Variants in DNAH11 observed in about 807,000 individuals in gnomAD.
The protein encoded by DNAH11 is axonemal beta dynein heavy chain 11.
A neutral mutation model predicts 526.0 loss-of-function variants in DNAH11; 442 were observed. That is an observed-to-expected ratio of 0.84 (90% confidence interval 0.78 to 0.91). The LOEUF (loss-of-function observed/expected upper bound fraction) is 0.91, where lower values mean the gene tolerates loss of function less well. DNAH11 is among the 40% of genes least tolerant of loss of function. The pLI, the probability that DNAH11 is intolerant of heterozygous loss-of-function variation, is 0.00. For synonymous variants in DNAH11, 2,461 were observed against 1,935.9 expected (o/e 1.27, Z -7.12); for missense variants, 6,989 against 5,448.7 (o/e 1.28, Z -8.90).
chr7:21,683,605 A>G (rs1324012802), intron 31 of DNAH11, among the ~76,000 whole-genome samples, 179 bp from the exon 32 acceptor site: 4 of 152,226 alleles, frequency 2.6e-5, no homozygotes, highest in African/African-American at 7.2e-5. Flanking sequence ...GACTTATTAC[A>G]CGCATATTTC....
Position 21,711,753 on chromosome 7 carries a change from C to T in DNAH11, c.6876C>T (p.Pro2292=), listed in dbSNP as rs1307403895. The T allele has an allele frequency of 1.9e-6, 3 of 1,613,878 alleles. No individual in the cohort carries two copies. Among genetic ancestry groups the T allele is most frequent in the Non-Finnish European group, 2.5e-6 (3 of 1,179,812 alleles). The change falls in exon 42 of 82, where the codon CCC becomes CCT. Residue 2292 remains proline, a synonymous_variant. Transcript: ENST00000409508. ...LASNERIALT[P]FMRLLFEIHH... ...GCAATGAGCGCATTGCACTCACTCC[C>T]TTCATGAGGCTTCTGTTTGAGATAC...
chr7:21,892,574 A>G lies in DNAH11; in HGVS notation c.12657A>G (p.Thr4219=), dbSNP rs574488123. 107 of 1,614,014 alleles carry G rather than the reference A, an allele frequency of 6.6e-5. No homozygotes were observed. In the East Asian group the frequency reaches 2.2e-3, roughly 34 times the overall value. The stretch of plus-strand genomic sequence containing the variant: ...CAAATGCTGAAATAGAATTCCTGAC[A>G]GTGACATCCAACACTCTCTTCAGAA... The part of the protein sequence containing the change: ...LHPNAEIEFL[T]VTSNTLFRTL... Residue 4219 remains threonine, a synonymous_variant, in exon 77 of 82, where the codon ACA becomes ACG. Coordinates refer to ENST00000409508, the MANE Select transcript of DNAH11 (RefSeq NM_001277115.2).
At chr7:21,724,801 A>T (rs1262508917) in intron 44 of DNAH11, among the ~76,000 whole-genome samples, 2 of 151,940 alleles carry the variant, frequency 1.3e-5, no homozygotes, top group African/African-American at 4.8e-5. Flanking sequence ...CATCCTGTGG[A>T]TGCATAGAGG....
intron 61 of DNAH11, among the ~76,000 whole-genome samples, chr7:21,796,344 T>C (rs1281652998): frequency 6.6e-6 from 1 of 152,058 alleles, no homozygotes; most frequent in Non-Finnish European, 1.5e-5. Flanking sequence ...AGAACTGCAG[T>C]TGGGCACAGG....
intron 65 of DNAH11, among the ~76,000 whole-genome samples, chr7:21,834,081 A>G (rs1404744125): frequency 6.6e-6 from 1 of 152,226 alleles, no homozygotes; most frequent in Non-Finnish European, 1.5e-5. Flanking sequence ...AATTTTCTCC[A>G]GGATAGGACA....
intron 65 of DNAH11, among the ~76,000 whole-genome samples, chr7:21,823,221 C>T (rs1335787089): frequency 1.3e-5 from 2 of 152,074 alleles, no homozygotes; most frequent in Non-Finnish European, 2.9e-5. Context: ...TAAACAGGCA[C>T]TACTATCTTT....
intron 74 of DNAH11, among the ~76,000 whole-genome samples, chr7:21,875,694 A>G (rs562534161): frequency 8.5e-4 from 130 of 152,182 alleles, no homozygotes; most frequent in African/African-American, 2.6e-3. Context: ...AATATGTTGC[A>G]TATAATGATA....
chr7:21,825,818 G>A (rs1790265881), intron 65 of DNAH11, among the ~76,000 whole-genome samples: 1 of 152,142 alleles, frequency 6.6e-6, no homozygotes, highest in South Asian at 2.1e-4. Context: ...AATTAGCTGG[G>A]TGTAGTAGCG....
At chr7:21,810,782 A>T (rs1242084141) in intron 63 of DNAH11, among the ~76,000 whole-genome samples, 1 of 152,152 alleles carries the variant, frequency 6.6e-6, no homozygotes, top group African/African-American at 2.4e-5. Flanking sequence ...AAAGTCAAGC[A>T]GTGACTAGCA....
At chr7:21,882,980 C>G (rs1036622646) in intron 75 of DNAH11, among the ~76,000 whole-genome samples, 4 of 152,148 alleles carry the variant, frequency 2.6e-5, no homozygotes, top group African/African-American at 9.7e-5. Context: ...AACTAAAAGT[C>G]AGAAGCCTTT....
chr7:21,752,498 A>G (rs1182939527), intron 54 of DNAH11, among the ~76,000 whole-genome samples: 1 of 152,108 alleles, frequency 6.6e-6, no homozygotes, highest in East Asian at 1.9e-4. Context: ...TTATTCTTAT[A>G]TATGTGTCTC....
At chr7:21,700,486 G>A (rs1784009841) in intron 36 of DNAH11, among the ~76,000 whole-genome samples, 1 of 152,118 alleles carries the variant, frequency 6.6e-6, no homozygotes, top group South Asian at 2.1e-4. Context: ...GAAATCTGTG[G>A]TCCAAAATTT....
At chr7:21,857,593 C>T (rs535115259) in intron 68 of DNAH11, among the ~76,000 whole-genome samples, 3 of 151,820 alleles carry the variant, frequency 2.0e-5, no homozygotes, top group South Asian at 2.1e-4. Flanking sequence ...TAAATCTACA[C>T]GAATCAAGAT....
rs373574217 is a variant in DNAH11, at chr7:21,606,500, T to G, written c.3723T>G (p.Asn1241Lys). ...TVRHEVSPLHNAEVTLIRKKC... is the reference protein window; with the variant it reads ...TVRHEVSPLHKAEVTLIRKKC... ...GACATGAAGTCTCACCTCTCCATAA[T>G]GCGGAAGTCACTCTTATAAGGAAAA... The change falls in exon 19 of 82, where the codon AAT (asparagine) becomes AAG (lysine). Residue 1241 changes from asparagine (N) to lysine (K), a missense_variant. By Grantham distance (94) the Asn-to-Lys change is moderately conservative (BLOSUM62 0). Coordinates refer to ENST00000409508, the MANE Select transcript of DNAH11 (RefSeq NM_001277115.2). 2.5e-6 allele frequency: 4 copies of G among 1,611,234 alleles called. No individual in the cohort carries two copies. Among genetic ancestry groups the G allele is most frequent in the Non-Finnish European group, 3.4e-6 (4 of 1,179,338 alleles).
At chr7:21,662,318 A>T (rs1782270363) in intron 30 of DNAH11, among the ~76,000 whole-genome samples, 1 of 152,122 alleles carries the variant, frequency 6.6e-6, no homozygotes, top group African/African-American at 2.4e-5. Context: ...ATGTGTGCCT[A>T]CCACTTAGAT....
intron 14 of DNAH11, among the ~76,000 whole-genome samples, chr7:21,594,471 A>C (rs571953662): frequency 6.6e-6 from 1 of 152,288 alleles, no homozygotes; most frequent in Non-Finnish European, 1.5e-5. Flanking sequence ...GTGACATAGT[A>C]AGTCGTGCTG....
chr7:21,624,303 G>A (rs148440838), intron 25 of DNAH11, among the ~76,000 whole-genome samples: 3 of 152,128 alleles, frequency 2.0e-5, no homozygotes, highest in East Asian at 3.9e-4. Context: ...ATTTGCTCAA[G>A]TATTTTATTG....
At chr7:21,780,275 G>A (rs1787881401) in intron 57 of DNAH11, among the ~76,000 whole-genome samples, 1 of 152,138 alleles carries the variant, frequency 6.6e-6, no homozygotes, top group Non-Finnish European at 1.5e-5. Flanking sequence ...ATTGGGCTGA[G>A]TACAGTGGCC....
At chr7:21,863,713 A>C (rs903510543) in intron 69 of DNAH11, among the ~76,000 whole-genome samples, 1 of 152,238 alleles carries the variant, frequency 6.6e-6, no homozygotes, top group South Asian at 2.1e-4. Flanking sequence ...CCATAGCTAT[A>C]TCATAATCTT....
Sources: allele counts gnomAD v4.1 joint callset (sites outside exome capture counted in the v4.1 genomes callset), GRCh38; gene constraint gnomAD v4.1.1; transcripts MANE v1.5; gene names NCBI Gene and HGNC (gene_info 2026-07-23, HGNC 2026-07-21).